The following MED15 variants were observed in gnomAD, a reference collection of about 807,000 sequenced individuals.
MED15 encodes the protein mediator of RNA polymerase II transcription subunit 15.
In MED15, 41 loss-of-function variants were observed where a neutral mutation model predicts 118.7. That is an observed-to-expected ratio of 0.35 (90% CI 0.27 to 0.45). MED15 has a LOEUF of 0.45. Among genes scored for constraint, MED15 ranks in the 20% least tolerant of loss-of-function variants. The pLI, the probability that MED15 is intolerant of heterozygous loss-of-function variation, is 1.00. For missense variants in MED15, 740 were observed against 1,025.5 expected (o/e 0.72, Z 3.80); for synonymous variants, 436 against 413.9 (o/e 1.05, Z -0.65).
Position 20,584,885 on chromosome 22 carries a change from A to T in MED15, c.1834A>T (p.Thr612Ser). Residue 612 changes from threonine to serine, a missense_variant, in exon 15 of 18, where the codon ACC becomes TCC. Around this residue, in one of 7 missense-constraint regions of MED15, gnomAD observed 179 missense variants for 259.0 expected, o/e 0.69. Coordinates refer to ENST00000263205, the MANE Select transcript of MED15 (RefSeq NM_001003891.3). ...PTPPPPPVPP[T>S]KQQYLCQPLL... ...TCCCCCACCGCCCCCGGTGCCACCG[A>T]CCAAACAGCAGTACCTATGCCAGCC... The T allele has an allele frequency of 6.2e-7, 1 of 1,613,022 alleles. No individual in the cohort carries two copies. The highest frequency in any genetic ancestry group is 8.5e-7 in the Non-Finnish European group (1 of 1,179,816).
intron 3 of MED15, among the ~76,000 whole-genome samples, chr22:20,552,059 C>G (rs778146989): frequency 6.6e-5 from 10 of 152,202 alleles, no homozygotes; most frequent in Non-Finnish European, 1.3e-4. Flanking sequence ...GTTGTCATTG[C>G]ATCCTAGGGC....
chr22:20,527,905 C>T (rs1034742017), intron 1 of MED15, among the ~76,000 whole-genome samples: 9 of 148,732 alleles, frequency 6.1e-5, no homozygotes, highest in Admixed American at 5.4e-4. Context: ...TGCAGTGAGC[C>T]GAGATCGTGC....
At chr22:20,586,020 GTC>G (rs2057125379) in intron 17 of MED15, among the ~76,000 whole-genome samples, 194 bp downstream of exon 17, 1 of 152,162 alleles carries the variant, frequency 6.6e-6, no homozygotes, top group Non-Finnish European at 1.5e-5. Context: ...AGAGAAAAGG[GTC>G]TCTGCTCCCA....
At chr22:20,567,865 C>A (rs1332448642) in intron 7 of MED15, among the ~76,000 whole-genome samples, 3 of 152,260 alleles carry the variant, frequency 2.0e-5, no homozygotes, top group East Asian at 3.9e-4. Context: ...CCCCCACCCC[C>A]ACTTTTTTCT....
At chr22:20,521,406 G>T (rs5750555) in intron 1 of MED15, among the ~76,000 whole-genome samples, 46,271 of 146,074 alleles carry the variant, frequency 0.32, 8,188 homozygotes, top group African/African-American at 0.49. Context: ...CTGTGTTTTT[G>T]TTTTTTTTGA....
chr22:20,579,894 C>G (rs913271645), intron 9 of MED15, among the ~76,000 whole-genome samples: 1 of 152,068 alleles, frequency 6.6e-6, no homozygotes, highest in East Asian at 1.9e-4. Context: ...CATTCTTGTC[C>G]TGGGGCCTTT....
At chr22:20,569,051 A>G (rs2056548008) in intron 8 of MED15, among the ~76,000 whole-genome samples, 1 of 152,200 alleles carries the variant, frequency 6.6e-6, no homozygotes, top group African/African-American at 2.4e-5. Context: ...AGCCACATGC[A>G]GCAGGAGCGT....
In MED15 at chr22:20,586,838, G is replaced by T; in HGVS notation, c.*134G>T. 2 of 1,337,088 alleles carry T rather than the reference G, an allele frequency of 1.5e-6. No homozygotes were observed. The highest frequency in any genetic ancestry group is 2.0e-6 in the Non-Finnish European group (2 of 994,566). 82.8% of individuals were successfully genotyped at this position (1,337,088 alleles called of 1,614,324 possible). ...TTCCTGCTTTTATCTTCTGCCTTGG[G>T]GACCTGCCAAACGAAATCCCACACC... On this transcript the variant is annotated 3_prime_UTR_variant, in exon 18 of 18. Transcript: ENST00000263205.
At chr22:20,551,075 T>G in intron 2 of MED15, 1 of 513,864 alleles carries the variant, frequency 1.9e-6, no homozygotes. Flanking sequence ...CTGACAGGCC[T>G]TGTGCCCTCA....
At chr22:20,518,391 G>A (rs1170090764) in intron 1 of MED15, among the ~76,000 whole-genome samples, 1 of 152,042 alleles carries the variant, frequency 6.6e-6, no homozygotes. Context: ...ATGTTGGCAC[G>A]AGAGCTTTGT....
At chr22:20,556,100 G>A (rs1876393092) in intron 5 of MED15, among the ~76,000 whole-genome samples, 1 of 152,134 alleles carries the variant, frequency 6.6e-6, no homozygotes, top group African/African-American at 2.4e-5. Context: ...AAGTGCTTTA[G>A]TGTTTTTTTC....
intron 6 of MED15, 55 bp from the exon 7 acceptor site, chr22:20,566,412 C>G (rs767820392): frequency 1.9e-6 from 3 of 1,594,458 alleles, no homozygotes; most frequent in Non-Finnish European, 2.6e-6. Flanking sequence ...CAGGGAGGAG[C>G]TGGTGCCACA....
At chr22:20,562,319 G>A (rs1395418795) in intron 5 of MED15, among the ~76,000 whole-genome samples, 1 of 152,162 alleles carries the variant, frequency 6.6e-6, no homozygotes, top group East Asian at 1.9e-4. Flanking sequence ...GGAACAATAT[G>A]TTTATAAAAA....
chr22:20,565,709 C>A (rs142360008), intron 6 of MED15, among the ~76,000 whole-genome samples: 108 of 152,332 alleles, frequency 7.1e-4, no homozygotes, highest in African/African-American at 2.5e-3. Flanking sequence ...AGACCTTGAC[C>A]GTCACCGTGA....
intron 2 of MED15, among the ~76,000 whole-genome samples, chr22:20,547,255 C>T (rs1196696314): frequency 6.6e-6 from 1 of 152,076 alleles, no homozygotes; most frequent in Non-Finnish European, 1.5e-5. Flanking sequence ...GAACATTTTG[C>T]TTTTTGTTTC....
chr22:20,582,465 T>G, intron 9 of MED15, 146 bp from the exon 10 acceptor site: 1 of 1,285,834 alleles, frequency 7.8e-7, no homozygotes, highest in Non-Finnish European at 1.1e-6. Flanking sequence ...TGTGCCTGTG[T>G]GTATGTCCAG....
intron 7 of MED15, among the ~76,000 whole-genome samples, chr22:20,568,010 T>G (rs2056505711): frequency 6.6e-6 from 1 of 152,130 alleles, no homozygotes; most frequent in Non-Finnish European, 1.5e-5. Context: ...TAGCCAAATT[T>G]TTGTATATTT....
At chr22:20,536,127 C>T (rs888347002) in intron 1 of MED15, among the ~76,000 whole-genome samples, 8 of 151,356 alleles carry the variant, frequency 5.3e-5, no homozygotes, top group African/African-American at 9.7e-5. Flanking sequence ...CCACCCGCCT[C>T]GGCCTCCCAA....
intron 5 of MED15, among the ~76,000 whole-genome samples, chr22:20,560,188 C>A (rs905462731): frequency 6.6e-6 from 1 of 152,068 alleles, no homozygotes; most frequent in African/African-American, 2.4e-5. Context: ...AAAAATTTAC[C>A]TCTGTAAAAT....
Sources: allele counts gnomAD v4.1 joint callset (sites outside exome capture counted in the v4.1 genomes callset), GRCh38; gene constraint gnomAD v4.1.1; regional missense constraint gnomAD v4.1.1; transcripts MANE v1.5; gene names NCBI Gene and HGNC (gene_info 2026-07-23, HGNC 2026-07-21).